The following STMN2 variants were observed in gnomAD, a reference collection of about 807,000 sequenced individuals.
The protein encoded by STMN2 is stathmin-2.
In STMN2, 2 loss-of-function variants were observed where a neutral mutation model predicts 24.1. The ratio of observed to expected loss-of-function variants is 0.08; its 90% confidence interval spans 0.03 to 0.26. STMN2 has a LOEUF of 0.26. STMN2 is among the 10% of genes least tolerant of loss of function. STMN2 has a pLI of 1.00. For missense variants in STMN2, 114 were observed against 213.6 expected (o/e 0.53, Z 2.91); for synonymous variants, 83 against 77.5 (o/e 1.07, Z -0.37).
chr8:79,613,909 C>T, intron 1 of STMN2: 2 of 852,024 alleles, frequency 2.3e-6, no homozygotes, highest in Non-Finnish European at 2.8e-6. Flanking sequence ...GGAAAATTCT[C>T]TGCAAAGAAT....
chr8:79,622,665 A>T (rs959539223), intron 1 of STMN2, among the ~76,000 whole-genome samples: 1 of 152,168 alleles, frequency 6.6e-6, no homozygotes, highest in Admixed American at 6.5e-5. Flanking sequence ...ATGTTTCCCT[A>T]TCATATTTTA....
rs541210360 is a variant in STMN2 at position 79,649,198 on chromosome 8, G to A, written c.289-5673G>A. Among the ~76,000 whole-genome samples, 122 of 152,160 alleles carry A rather than the reference G, an allele frequency of 8.0e-4. 1 individual carries two copies. In the South Asian group the frequency reaches 0.024, roughly 31 times the overall value. ...GGTGGTTTGTATAGCAATGGATTAT[G>A]AAACAAAGTACTGGATTATTCACCG... On this transcript the variant is annotated intron_variant, in intron 3 of 4. Transcript: ENST00000220876.
intron 4 of STMN2, among the ~76,000 whole-genome samples, chr8:79,658,679 G>T (rs1044721016): frequency 4.6e-5 from 7 of 152,120 alleles, no homozygotes; most frequent in African/African-American, 7.2e-5. Context: ...TCCACAATCT[G>T]CCTACCATTC....
intron 4 of STMN2, among the ~76,000 whole-genome samples, chr8:79,660,020 T>C (rs187923873): frequency 6.6e-6 from 1 of 152,310 alleles, no homozygotes; most frequent in Admixed American, 6.5e-5. Flanking sequence ...TTAAATTAGA[T>C]AGTTAAATTT....
chr8:79,661,528 T>G (rs1806501112), intron 4 of STMN2, among the ~76,000 whole-genome samples: 1 of 152,128 alleles, frequency 6.6e-6, no homozygotes, highest in Admixed American at 6.6e-5. Context: ...TGATGAACAC[T>G]TACTATTGAA....
intron 1 of STMN2, among the ~76,000 whole-genome samples, chr8:79,623,185 A>G (rs755544492): frequency 6.6e-6 from 1 of 152,236 alleles, no homozygotes; most frequent in Non-Finnish European, 1.5e-5. Context: ...TATGGTGATG[A>G]AAAGGATATG....
intron 1 of STMN2, chr8:79,613,539 A>G (rs1809303124): frequency 1.3e-5 from 13 of 985,470 alleles, no homozygotes; most frequent in Non-Finnish European, 1.6e-5. Context: ...CGCTTTCTGC[A>G]CCCCTCAGAA....
At chr8:79,614,592 G>A (rs1809338910) in intron 1 of STMN2, among the ~76,000 whole-genome samples, 1 of 152,172 alleles carries the variant, frequency 6.6e-6, no homozygotes, top group African/African-American at 2.4e-5. Flanking sequence ...AGACCTTGTG[G>A]TGTTTGTCTA....
chr8:79,661,345 G>A (rs973585411), intron 4 of STMN2, among the ~76,000 whole-genome samples: 3 of 152,020 alleles, frequency 2.0e-5, no homozygotes, highest in Non-Finnish European at 4.4e-5. Context: ...GAGTAAGGTG[G>A]TATTTCATTG....
intron 3 of STMN2, among the ~76,000 whole-genome samples, chr8:79,647,068 T>C (rs1410039287): frequency 8.5e-5 from 13 of 152,172 alleles, no homozygotes; most frequent in Admixed American, 8.5e-4. Flanking sequence ...TTTTCAAAAA[T>C]ACATACATGT....
chr8:79,621,085 C>T (rs1809505779), intron 1 of STMN2: 1 of 936,752 alleles, frequency 1.1e-6, no homozygotes, highest in Admixed American at 6.2e-5. Context: ...CCCTTCTCCA[C>T]CAGTGCTGCT....
intron 1 of STMN2, among the ~76,000 whole-genome samples, chr8:79,619,690 CT>C (rs1408624212): frequency 1.3e-5 from 2 of 152,084 alleles, no homozygotes; most frequent in Non-Finnish European, 2.9e-5. Context: ...TGCAGAGTTA[CT>C]TTTTATTTCC....
At chr8:79,654,329 AGAGACTTT>A (rs1365170313) in intron 3 of STMN2, among the ~76,000 whole-genome samples, 2 of 150,098 alleles carry the variant, frequency 1.3e-5, no homozygotes, top group African/African-American at 4.9e-5. Context: ...AGATCTCCAA[AGAGACTTT>A]GGTGTATGGG....
At chr8:79,635,058 G>C (rs566921927) in intron 1 of STMN2, among the ~76,000 whole-genome samples, 1 of 152,280 alleles carries the variant, frequency 6.6e-6, no homozygotes, top group Middle Eastern at 3.4e-3. Context: ...ATTAACAAAA[G>C]TAAGAAGATT....
intron 4 of STMN2, among the ~76,000 whole-genome samples, chr8:79,655,864 G>A (rs1004616733): frequency 1.3e-5 from 2 of 152,102 alleles, no homozygotes; most frequent in Non-Finnish European, 2.9e-5. Context: ...TGAGAAAGAC[G>A]CCTCAATCCT....
intron 4 of STMN2, among the ~76,000 whole-genome samples, chr8:79,663,841 A>G (rs1353439576): frequency 6.6e-6 from 1 of 152,184 alleles, no homozygotes; most frequent in East Asian, 1.9e-4. Context: ...ATAGCCACAT[A>G]CTAAAAAATA....
At chr8:79,643,359 G>A (rs148333352) in intron 3 of STMN2, among the ~76,000 whole-genome samples, 96 of 151,912 alleles carry the variant, frequency 6.3e-4, no homozygotes, top group African/African-American at 2.3e-3. Context: ...TTTGCTGCCA[G>A]CAGATGTAAG....
intron 3 of STMN2, among the ~76,000 whole-genome samples, chr8:79,642,104 C>T (rs1307940194): frequency 1.3e-5 from 2 of 152,170 alleles, no homozygotes; most frequent in African/African-American, 4.8e-5. Context: ...AGTCCCACTG[C>T]CTGCCCTGGA....
Position 79,641,329 on chromosome 8 carries a change from C to A in STMN2, c.116-49C>A, listed in dbSNP as rs369284938. ...GGAATCTAAATTATTAAAATAAACC[C>A]ATGCTGCAAGCTTTGTATGCTTAAC... On this transcript the variant is annotated intron_variant, in intron 2 of 4. Transcript: ENST00000220876. 2.6e-4 allele frequency: 407 copies of A among 1,571,230 alleles called. 1 individual carries two copies. Among genetic ancestry groups the A allele is most frequent in the Non-Finnish European group, 3.4e-4 (393 of 1,158,910 alleles).
Sources: allele counts gnomAD v4.1 joint callset (sites outside exome capture counted in the v4.1 genomes callset), GRCh38; gene constraint gnomAD v4.1.1; transcripts MANE v1.5; gene names NCBI Gene and HGNC (gene_info 2026-07-23, HGNC 2026-07-21).